The following ARFGEF2 variants were observed in gnomAD, a reference collection of about 807,000 sequenced individuals.
The protein encoded by ARFGEF2 is ARF guanine nucleotide exchange factor 2, also known as brefeldin A-inhibited guanine nucleotide-exchange protein 2.
A neutral mutation model predicts 219.9 loss-of-function variants in ARFGEF2; 74 were observed. That is an observed-to-expected ratio of 0.34 (90% CI 0.28 to 0.41). ARFGEF2 has a LOEUF of 0.41. Ranked by LOEUF, ARFGEF2 falls within the 10% of genes least tolerant of loss-of-function variation. The pLI is 1.00. For synonymous variants in ARFGEF2, 733 were observed against 799.2 expected (o/e 0.92, Z 1.40); for missense variants, 1,743 against 2,218.3 (o/e 0.79, Z 4.30).
At chr20:48,956,862 G>A (rs556883037) in intron 6 of ARFGEF2, among the ~76,000 whole-genome samples, 6 of 152,036 alleles carry the variant, frequency 3.9e-5, no homozygotes, top group Admixed American at 2.0e-4. Flanking sequence ...TTACAGGCGT[G>A]AGCCACCACG....
chr20:48,945,222 G>C (rs1600597380), intron 3 of ARFGEF2, among the ~76,000 whole-genome samples: 1 of 152,218 alleles, frequency 6.6e-6, no homozygotes, highest in South Asian at 2.1e-4. Context: ...ACAAATTTTA[G>C]GGGGACACAA....
At chr20:48,941,295 C>G in intron 2 of ARFGEF2, 66 bp downstream of exon 2, 1 of 1,520,834 alleles carries the variant, frequency 6.6e-7, no homozygotes, top group Non-Finnish European at 9.1e-7. Context: ...ACTGGGGGAG[C>G]CTCTTTCTCT....
intron 36 of ARFGEF2, among the ~76,000 whole-genome samples, chr20:49,027,713 TAAATG>T (rs904514181): frequency 2.0e-5 from 3 of 151,116 alleles, no homozygotes; most frequent in African/African-American, 7.3e-5. Context: ...TACCAATAAA[TAAATG>T]AAGAACAGTA....
chr20:48,985,220 G>A (rs2091320266), intron 15 of ARFGEF2, among the ~76,000 whole-genome samples, 188 bp from the exon 16 acceptor site: 1 of 140,804 alleles, frequency 7.1e-6, no homozygotes, highest in South Asian at 2.4e-4. Flanking sequence ...CTTCATCCAT[G>A]CAGGACAGGC....
At chr20:48,964,402 C>T (rs2091175443) in intron 7 of ARFGEF2, among the ~76,000 whole-genome samples, 1 of 152,028 alleles carries the variant, frequency 6.6e-6, no homozygotes, top group Non-Finnish European at 1.5e-5. Context: ...GAGACTCCAT[C>T]TCAAAAAAAA....
At chr20:49,020,207 T>C (rs1016135925) in intron 34 of ARFGEF2, among the ~76,000 whole-genome samples, 1 of 152,232 alleles carries the variant, frequency 6.6e-6, no homozygotes, top group Non-Finnish European at 1.5e-5. Flanking sequence ...ATTGTTTGCC[T>C]TTATAGCAGT....
chr20:48,985,750 G>A (rs2091323216), intron 16 of ARFGEF2, 137 bp downstream of exon 16: 1 of 930,838 alleles, frequency 1.1e-6, no homozygotes, highest in East Asian at 2.6e-5. Flanking sequence ...GCCAGGCACT[G>A]TGCTAAGGGA....
intron 3 of ARFGEF2, among the ~76,000 whole-genome samples, chr20:48,950,811 A>AAAAAAAATATATATAT (rs1176537072): frequency 1.6e-5 from 1 of 64,482 alleles, no homozygotes; most frequent in Non-Finnish European, 2.6e-5. Flanking sequence ...AAAAAAAAAA[A>AAAAAAAATATATATAT]ATATATATAT....
intron 14 of ARFGEF2, among the ~76,000 whole-genome samples, chr20:48,981,280 C>A (rs1039141911): frequency 1.3e-5 from 2 of 152,180 alleles, no homozygotes; most frequent in African/African-American, 4.8e-5. Flanking sequence ...GTTGAAAGTT[C>A]TTTTCTTTAA....
intron 11 of ARFGEF2, 139 bp downstream of exon 11, chr20:48,972,564 C>G: frequency 6.7e-6 from 5 of 747,592 alleles, no homozygotes; most frequent in South Asian, 6.0e-5. Context: ...AGTCCTGCCC[C>G]ACCTCTCCTT....
chr20:48,923,783 G>A (rs552785096), intron 1 of ARFGEF2, among the ~76,000 whole-genome samples: 2 of 152,302 alleles, frequency 1.3e-5, no homozygotes, highest in South Asian at 4.1e-4. Context: ...TCACCAAAGT[G>A]TGCATCATAT....
At chr20:48,951,114 G>A (rs1000012770) in intron 3 of ARFGEF2, among the ~76,000 whole-genome samples, 2 of 151,820 alleles carry the variant, frequency 1.3e-5, no homozygotes, top group South Asian at 2.1e-4. Context: ...ATTTTTCATC[G>A]GATACTGTAT....
rs144358513 is a variant in ARFGEF2 at position 48,990,891 on chromosome 20, C to A, written c.2815-149C>A. The A allele has an allele frequency of 1.3e-4, 110 of 871,862 alleles. 2 individuals are homozygous for A. The East Asian group carries it at 2.0e-3, about 16-fold the overall frequency. 54.0% of individuals were successfully genotyped at this position (871,862 alleles called of 1,614,324 possible). On this transcript the variant is annotated intron_variant, in intron 20 of 38. Coordinates refer to ENST00000371917, the MANE Select transcript of ARFGEF2 (RefSeq NM_006420.3). ...TGTTCCAAAAGCAAGAGGGCATTAG[C>A]ATGGAATAACTGTTGTGCTAATGTG... is the stretch of plus-strand genomic sequence containing the variant.
intron 27 of ARFGEF2, among the ~76,000 whole-genome samples, chr20:49,011,494 A>G (rs1307305259): frequency 6.6e-6 from 1 of 152,228 alleles, no homozygotes; most frequent in Non-Finnish European, 1.5e-5. Flanking sequence ...TAGTGGAACC[A>G]GGACTTGCAC....
intron 9 of ARFGEF2, among the ~76,000 whole-genome samples, chr20:48,969,958 C>T (rs927676026): frequency 2.0e-5 from 3 of 152,198 alleles, no homozygotes; most frequent in African/African-American, 7.2e-5. Flanking sequence ...TTGTTCCTGT[C>T]ATTAGTCATT....
In ARFGEF2 at chr20:49,028,412, T is replaced by C. The variant is rs2091615630; in HGVS notation, c.4925-118T>C. ...TCCAGCTTAGGTGACAGAGCAAGAC[T>C]ATCTCAAGAAAAAAACAGATGTTTC... is the stretch of plus-strand genomic sequence containing the variant. On this transcript the variant is annotated intron_variant, in intron 36 of 38. Coordinates refer to ENST00000371917, the MANE Select transcript of ARFGEF2 (RefSeq NM_006420.3). 7 of 1,148,792 alleles carry C rather than the reference T, an allele frequency of 6.1e-6. No homozygotes were observed. In the South Asian group the frequency reaches 9.0e-5, roughly 15 times the overall value. 71.2% of individuals were successfully genotyped at this position (1,148,792 alleles called of 1,614,324 possible). A position where few individuals can be genotyped will look rare whatever the true frequency, so the allele number is the denominator to read the frequency against.
At chr20:48,932,127 G>T (rs56258394) in intron 1 of ARFGEF2, among the ~76,000 whole-genome samples, 2 of 152,270 alleles carry the variant, frequency 1.3e-5, no homozygotes, top group Non-Finnish European at 2.9e-5. Context: ...TGAGAAGGCG[G>T]ATAGGGATGG....
At chr20:49,021,428 A>G (rs1428073995) in intron 34 of ARFGEF2, among the ~76,000 whole-genome samples, 1 of 152,198 alleles carries the variant, frequency 6.6e-6, no homozygotes, top group Admixed American at 6.5e-5. Context: ...ACCAGTGAAC[A>G]CTTATGATGT....
intron 35 of ARFGEF2, among the ~76,000 whole-genome samples, chr20:49,024,802 T>C (rs66970580): frequency 0.36 from 54,853 of 151,770 alleles, 10,740 homozygotes; most frequent in African/African-American, 0.53. Context: ...CTGAGATCAT[T>C]CTGACCAACA....
Sources: gnomAD v4.1 joint callset for allele counts (sites outside exome capture counted in the v4.1 genomes callset) on GRCh38, gnomAD v4.1.1 for gene constraint, MANE v1.5 for transcripts, NCBI Gene and HGNC (gene_info 2026-07-23, HGNC 2026-07-21) for gene names.